The following XIRP2 variants were observed in gnomAD, a reference collection of about 807,000 sequenced individuals.
XIRP2 encodes xin actin binding repeat containing 2, also known as xin actin-binding repeat-containing protein 2.
XIRP2 carries 236 observed loss-of-function variants against 277.0 expected under a neutral mutation model. The observed-to-expected ratio is 0.85, with a 90% confidence interval of 0.77 to 0.95. XIRP2 has a LOEUF of 0.95. Among genes scored for constraint, XIRP2 ranks in the 40% least tolerant of loss-of-function variants. The pLI, the probability that XIRP2 is intolerant of heterozygous loss-of-function variation, is 0.00. For missense variants in XIRP2, 4,640 were observed against 4,157.5 expected, an observed-to-expected ratio of 1.12 and a Z score of -3.19; for synonymous variants, 1,490 against 1,416.5, an observed-to-expected ratio of 1.05 and a Z score of -1.17.
intron 3 of XIRP2, among the ~76,000 whole-genome samples, chr2:167,154,096 C>A (rs1344156894): frequency 6.7e-6 from 1 of 149,540 alleles, no homozygotes; most frequent in Non-Finnish European, 1.5e-5. Context: ...TTAAAGATTG[C>A]CATTCTAACT....
At chr2:167,124,252 G>C (rs1289146880) in intron 2 of XIRP2, 1 of 152,088 alleles carries the variant, frequency 6.6e-6, no homozygotes, top group Non-Finnish European at 1.5e-5. Flanking sequence ...CACGTATCAT[G>C]GGTTTTTAGA....
intron 5 of XIRP2, among the ~76,000 whole-genome samples, chr2:167,219,261 T>G (rs1694351710): frequency 6.6e-6 from 1 of 152,172 alleles, no homozygotes; most frequent in African/African-American, 2.4e-5. Flanking sequence ...TGGCAAGATT[T>G]CTTTTTAATA....
At chr2:166,946,794 T>G (rs1410206250) in intron 2 of XIRP2, among the ~76,000 whole-genome samples, 1 of 152,096 alleles carries the variant, frequency 6.6e-6, no homozygotes. Context: ...AAAAAAGAAT[T>G]TAATATTAAT....
intron 8 of XIRP2, 70 bp downstream of exon 8, chr2:167,241,980 T>A: frequency 6.8e-7 from 1 of 1,464,348 alleles, no homozygotes; most frequent in South Asian, 1.5e-5. Flanking sequence ...CATTTTCAAA[T>A]TATTGAATAC....
chr2:166,975,766 A>G (rs1275815587), intron 2 of XIRP2, among the ~76,000 whole-genome samples: 1 of 151,864 alleles, frequency 6.6e-6, no homozygotes, highest in Non-Finnish European at 1.5e-5. Flanking sequence ...TCTACTAAAA[A>G]TGCAAAAAAA....
chr2:166,890,384 A>C (rs899955611), intron 1 of XIRP2, among the ~76,000 whole-genome samples: 2 of 152,228 alleles, frequency 1.3e-5, no homozygotes, highest in Admixed American at 6.5e-5. Context: ...CCCAGTTCAA[A>C]TTCCAGACCT....
chr2:166,977,244 TAA>T (rs924754665), intron 2 of XIRP2, among the ~76,000 whole-genome samples: 7 of 152,170 alleles, frequency 4.6e-5, no homozygotes, highest in Non-Finnish European at 7.4e-5. Context: ...GAGCTTGAAA[TAA>T]AGTTTCTTGT....
chr2:166,975,847 C>T (rs546458043), intron 2 of XIRP2, among the ~76,000 whole-genome samples: 22 of 132,058 alleles, frequency 1.7e-4, no homozygotes, highest in South Asian at 1.3e-3. Flanking sequence ...AAGAGAATGG[C>T]GTGAACCCTG....
intron 2 of XIRP2, among the ~76,000 whole-genome samples, chr2:167,021,501 A>G (rs1687980325): frequency 6.6e-6 from 1 of 152,060 alleles, no homozygotes; most frequent in Non-Finnish European, 1.5e-5. Flanking sequence ...TTCAAGGTCA[A>G]TTACCTTTTT....
intron 3 of XIRP2, among the ~76,000 whole-genome samples, chr2:167,185,492 TAAAG>T (rs1312862738): frequency 5.7e-5 from 7 of 123,660 alleles, no homozygotes; most frequent in Admixed American, 2.3e-4. Flanking sequence ...GAGTGAAACT[TAAAG>T]AAACATATCA....
At chr2:166,969,210 A>G (rs1400296275) in intron 2 of XIRP2, among the ~76,000 whole-genome samples, 2 of 152,034 alleles carry the variant, frequency 1.3e-5, no homozygotes, top group African/African-American at 4.8e-5. Context: ...AATGAAGTCT[A>G]TGCCAACTTC....
rs1684014142 is a variant in XIRP2, at chr2:166,888,533, A to G, written c.-43A>G. On this transcript the variant is annotated 5_prime_UTR_variant, in exon 1 of 11. Coordinates refer to ENST00000409195, the MANE Select transcript of XIRP2 (RefSeq NM_152381.6). ...AGGCAGACAAAAGGGAACATCTGGTAGGGACTGGGACATGTAGAAAAAAGG... is the reference window on the plus strand; with the variant it reads ...AGGCAGACAAAAGGGAACATCTGGTGGGGACTGGGACATGTAGAAAAAAGG... 6.6e-6 allele frequency: 1 copy of G among 152,214 alleles called. No homozygotes were observed. The highest frequency in any genetic ancestry group is 6.5e-5 in the Admixed American group (1 of 15,280). 9.4% of individuals were successfully genotyped at this position (152,214 alleles called of 1,614,324 possible).
chr2:167,142,571 TA>T (rs879622825), intron 3 of XIRP2, among the ~76,000 whole-genome samples: 10 of 149,202 alleles, frequency 6.7e-5, no homozygotes, highest in South Asian at 2.1e-4. Flanking sequence ...AATAAAAAAA[TA>T]AAAAAAAAGA....
intron 2 of XIRP2, among the ~76,000 whole-genome samples, chr2:166,940,973 T>C (rs918898687): frequency 1.3e-5 from 2 of 152,110 alleles, no homozygotes; most frequent in Admixed American, 1.3e-4. Flanking sequence ...TCTTCAAAGC[T>C]CTCAGACAGA....
intron 2 of XIRP2, among the ~76,000 whole-genome samples, chr2:166,985,718 C>T (rs987748196): frequency 6.6e-6 from 1 of 152,040 alleles, no homozygotes. Context: ...CATGAGCCAC[C>T]GCGCCCGGCC....
chr2:167,168,549 A>G (rs1573929689), intron 3 of XIRP2, among the ~76,000 whole-genome samples: 2 of 152,242 alleles, frequency 1.3e-5, no homozygotes, highest in South Asian at 2.1e-4. Flanking sequence ...ACATTCTTCA[A>G]TTCTGTTATA....
At position 167,047,889 on chromosome 2, in the gene XIRP2, C is replaced by A. The variant is rs74780761; in HGVS notation, c.409-88020C>A. ...AAAATTCATCATGATTAAAAGCACTCTTTTGTTTAATAGATTTGAAGGTTA... is the reference window on the plus strand; with the variant it reads ...AAAATTCATCATGATTAAAAGCACTATTTTGTTTAATAGATTTGAAGGTTA... On this transcript the variant is annotated intron_variant, in intron 2 of 10. Coordinates refer to ENST00000409195, the MANE Select transcript of XIRP2 (RefSeq NM_152381.6). Among the ~76,000 whole-genome samples the A allele has an allele frequency of 7.7e-3, 1,166 of 152,058 alleles. 18 individuals are homozygous for A. The highest frequency in any genetic ancestry group is 0.027 in the African/African-American group (1,110 of 41,534).
chr2:167,192,788 T>C (rs1448981799), intron 3 of XIRP2, among the ~76,000 whole-genome samples: 1 of 152,052 alleles, frequency 6.6e-6, no homozygotes. Flanking sequence ...ACTCAGGAAA[T>C]AGGACAAGGG....
chr2:167,139,074 ATATATATATGCATATATATACGTACG>A (rs1249126581), intron 3 of XIRP2, among the ~76,000 whole-genome samples: 1 of 151,052 alleles, frequency 6.6e-6, no homozygotes, highest in Non-Finnish European at 1.5e-5. Context: ...CTCAAAAAAT[ATATATATATGCATATATATACGTACG>A]TATATATATG....
Sources: allele counts gnomAD v4.1 joint callset (sites outside exome capture counted in the v4.1 genomes callset), GRCh38; gene constraint gnomAD v4.1.1; transcripts MANE v1.5; gene names NCBI Gene and HGNC (gene_info 2026-07-23, HGNC 2026-07-21).